PUDP: variants seen among roughly 807,000 people sequenced by gnomAD.
The protein encoded by PUDP is pseudouridine-5'-phosphatase.
In PUDP, 8 loss-of-function variants were observed where a neutral mutation model predicts 9.4. That is an observed-to-expected ratio of 0.85 (90% CI 0.50 to 1.53). PUDP has a LOEUF of 1.53. Among genes scored for constraint, PUDP ranks in the 40% most tolerant of loss-of-function variants. The pLI, the probability that PUDP is intolerant of heterozygous loss-of-function variation, is 0.00. For missense variants in PUDP, 188 were observed against 189.7 expected (o/e 0.99, Z 0.05); for synonymous variants, 99 against 80.7 (o/e 1.23, Z -1.22).
intron 3 of PUDP, among the ~76,000 whole-genome samples, chrX:6,767,544 G>T (rs1182348330): frequency 1.8e-5 from 2 of 112,232 alleles, no homozygotes; most frequent in East Asian, 2.8e-4. Context: ...ATGCCAGTTC[G>T]CCCTTCATAG....
chrX:7,103,252 C>G (rs1157207425), intron 2 of PUDP, among the ~76,000 whole-genome samples: 3 of 112,032 alleles, frequency 2.7e-5, no homozygotes, highest in Non-Finnish European at 5.6e-5. Flanking sequence ...GAAATACACT[C>G]TCACGTATTT....
At chrX:6,995,185 T>C (rs931771812) in intron 1 of PUDP, among the ~76,000 whole-genome samples, 1 of 110,716 alleles carries the variant, frequency 9.0e-6, no homozygotes, top group Non-Finnish European at 1.9e-5. Context: ...GGACATGCAA[T>C]TCTCAAAACT....
intron 3 of PUDP, 21 bp downstream of exon 3, chrX:7,077,199 G>A (rs376257278): frequency 3.2e-5 from 38 of 1,173,569 alleles, no homozygotes; most frequent in African/African-American, 3.2e-4. Flanking sequence ...AACACGGCCC[G>A]TGTCACCGGC....
chrX:6,816,912 A>AT (rs1220346818), intron 3 of PUDP, among the ~76,000 whole-genome samples: 10 of 94,147 alleles, frequency 1.1e-4, no homozygotes, highest in South Asian at 4.6e-4. Context: ...TATATACTAT[A>AT]TAGTATATAT....
At chrX:6,950,804 G>A (rs886757425) in intron 3 of PUDP, among the ~76,000 whole-genome samples, 1 of 112,002 alleles carries the variant, frequency 8.9e-6, no homozygotes, top group African/African-American at 3.2e-5. Flanking sequence ...TAAATAGGTA[G>A]GCTTAGGAAA....
intron 1 of PUDP, among the ~76,000 whole-genome samples, chrX:7,033,497 AT>A (rs1407491012): frequency 8.9e-6 from 1 of 112,673 alleles, no homozygotes; most frequent in Admixed American, 9.4e-5. Flanking sequence ...TAAAGTTTTC[AT>A]TTAATAATGA....
intron 3 of PUDP, among the ~76,000 whole-genome samples, chrX:6,961,541 T>C (rs1357379120): frequency 9.0e-6 from 1 of 111,607 alleles, no homozygotes; most frequent in Non-Finnish European, 1.9e-5. Flanking sequence ...CATGAAAAGA[T>C]GAACAAACCA....
At chrX:6,848,529 C>T (rs1926781304) in intron 3 of PUDP, among the ~76,000 whole-genome samples, 1 of 111,900 alleles carries the variant, frequency 8.9e-6, no homozygotes, top group South Asian at 3.8e-4. Flanking sequence ...TGTGGCAACA[C>T]CAGAATGTAA....
chrX:6,961,063 T>C (rs774790428), intron 3 of PUDP, among the ~76,000 whole-genome samples: 2 of 112,021 alleles, frequency 1.8e-5, no homozygotes, highest in African/African-American at 6.5e-5. Flanking sequence ...CTATTTCCTA[T>C]ACCAAAATGC....
chrX:6,853,187 C>G (rs7879252), intron 3 of PUDP, among the ~76,000 whole-genome samples: 47,723 of 110,300 alleles, frequency 0.43, 8,754 homozygotes, highest in Non-Finnish European at 0.57. Context: ...GGCAAGCCCC[C>G]CTGTGCAAGT....
intron 3 of PUDP, among the ~76,000 whole-genome samples, chrX:6,956,781 T>C (rs1307594636): frequency 4.5e-5 from 5 of 112,229 alleles, no homozygotes; most frequent in African/African-American, 1.3e-4. Context: ...CTGTTTGTCA[T>C]GGACTTTGCA....
intron 3 of PUDP, among the ~76,000 whole-genome samples, chrX:6,850,667 A>G (rs1413095589): frequency 8.9e-6 from 1 of 112,796 alleles, no homozygotes; most frequent in East Asian, 2.8e-4. Context: ...TTGGAGTCTT[A>G]TAATATATTT....
chrX:7,079,345 C>G (rs1931012607), intron 2 of PUDP, among the ~76,000 whole-genome samples: 1 of 112,410 alleles, frequency 8.9e-6, no homozygotes, highest in Non-Finnish European at 1.9e-5. Flanking sequence ...ACCAATAGAA[C>G]TGAATGGAGA....
At chrX:6,936,162 C>T (rs1274425703) in intron 3 of PUDP, among the ~76,000 whole-genome samples, 1 of 102,315 alleles carries the variant, frequency 9.8e-6, no homozygotes, top group East Asian at 3.2e-4. Context: ...GATACCAAAG[C>T]CAGGCAGAGA....
intron 3 of PUDP, among the ~76,000 whole-genome samples, chrX:6,814,517 A>C (rs1221998315): frequency 2.7e-5 from 3 of 111,396 alleles, no homozygotes; most frequent in Non-Finnish European, 5.6e-5. Flanking sequence ...TAATAATAAA[A>C]CGTCCACCTC....
At chrX:6,939,957 G>T (rs1020255450) in intron 3 of PUDP, among the ~76,000 whole-genome samples, 1 of 112,499 alleles carries the variant, frequency 8.9e-6, no homozygotes, top group Non-Finnish European at 1.9e-5. Context: ...AAATGAAAAG[G>T]CTTGCATATG....
rs754308047 is a variant in PUDP, at chrX:7,130,554, C to T, written c.61+17499G>A. Among the ~76,000 whole-genome samples the T allele has an allele frequency of 8.1e-5, 9 of 111,611 alleles. No homozygotes were observed. In the South Asian group the frequency reaches 3.4e-3, roughly 42 times the overall value. ...AGGGGCCAGGCACAGTGGCTCATAC[C>T]TGTAATCCCAGCACTTTAGGAGGCC... On this transcript the variant is annotated intron_variant, in intron 1 of 3. Coordinates refer to ENST00000381077, the MANE Select transcript of PUDP (RefSeq NM_012080.5).
At chrX:6,990,272 C>T (rs1929158960) in intron 1 of PUDP, among the ~76,000 whole-genome samples, 1 of 111,264 alleles carries the variant, frequency 9.0e-6, no homozygotes, top group Non-Finnish European at 1.9e-5. Context: ...CCGAATGCCT[C>T]GATACTGAGC....
At chrX:6,934,723 G>A in intron 3 of PUDP, among the ~76,000 whole-genome samples, 1 of 90,714 alleles carries the variant, frequency 1.1e-5, no homozygotes, top group Middle Eastern at 5.3e-3. Flanking sequence ...TCAGTGTGCT[G>A]TATTCAGGAA....
Sources: allele counts gnomAD v4.1 joint callset (sites outside exome capture counted in the v4.1 genomes callset), GRCh38; gene constraint gnomAD v4.1.1; transcripts MANE v1.5; gene names NCBI Gene and HGNC (gene_info 2026-07-23, HGNC 2026-07-21).